SULT2B1: variants seen among roughly 807,000 people sequenced by gnomAD.
SULT2B1 encodes the protein sulfotransferase family 2B member 1.
A neutral mutation model predicts 33.2 loss-of-function variants in SULT2B1; 16 were observed. The ratio of observed to expected loss-of-function variants is 0.48; its 90% CI spans 0.33 to 0.73. The LOEUF (loss-of-function observed/expected upper bound fraction) is 0.73. Ranked by LOEUF, SULT2B1 falls within the 30% of genes least tolerant of loss-of-function variation. The pLI, the probability that SULT2B1 is intolerant of heterozygous loss-of-function variation, is 0.02. For synonymous variants in SULT2B1, 186 were observed against 200.5 expected (o/e 0.93, Z 0.61); for missense variants, 500 against 506.0 (o/e 0.99, Z 0.11).
intron 1 of SULT2B1, among the ~76,000 whole-genome samples, chr19:48,560,677 G>A (rs1347821192): frequency 1.3e-5 from 2 of 152,138 alleles, no homozygotes; most frequent in Non-Finnish European, 2.9e-5. Flanking sequence ...AACTGTCAAT[G>A]AGGCTGGGCG....
intron 6 of SULT2B1, among the ~76,000 whole-genome samples, chr19:48,597,803 C>A (rs1338724740): frequency 2.6e-5 from 4 of 151,394 alleles, no homozygotes; most frequent in African/African-American, 7.3e-5. Context: ...ACCACCACGC[C>A]TGGCTAATTT....
At chr19:48,589,431 C>A (rs1281377451) in intron 3 of SULT2B1, among the ~76,000 whole-genome samples, 1 of 152,110 alleles carries the variant, frequency 6.6e-6, no homozygotes, top group African/African-American at 2.4e-5. Flanking sequence ...AGGGGAGAGA[C>A]TTGGGCTGAC....
chr19:48,552,215 C>G lies in SULT2B1; in HGVS notation c.-38C>G, dbSNP rs952331212. 1 of 1,606,246 alleles carries G rather than the reference C, an allele frequency of 6.2e-7. No individual in the cohort carries two copies. The highest frequency in any genetic ancestry group is 8.5e-7 in the Non-Finnish European group (1 of 1,174,584). On this transcript the variant is annotated 5_prime_UTR_variant, in exon 1 of 7. Coordinates refer to ENST00000201586, the MANE Select transcript of SULT2B1 (RefSeq NM_177973.2). The surrounding 1 kb of genome is among the most constrained non-coding windows in gnomAD (Gnocchi z 4.8). Reference sequence around the variant, plus strand: ...CACCTGGCCTCTGTGCCGCCTGCTCCCTGCTCGTCCTCCCCTCCCCACCCT... The same window carrying G: ...CACCTGGCCTCTGTGCCGCCTGCTCGCTGCTCGTCCTCCCCTCCCCACCCT...
In SULT2B1 at chr19:48,591,738, G is replaced by A. The variant is rs370301033; in HGVS notation, c.550+3G>A. On this transcript the variant is annotated splice_donor_region_variant and intron_variant, in intron 4 of 6. Coordinates refer to ENST00000201586, the MANE Select transcript of SULT2B1 (RefSeq NM_177973.2). ...GAGGGACTTCCTCAAAGGCGAAGGT[G>A]GGGACAGGGTAAAGCGGGGCAGGAG... The A allele has an allele frequency of 3.2e-6, 5 of 1,586,306 alleles. No homozygotes were observed. Among genetic ancestry groups the A allele is most frequent in the Non-Finnish European group, 4.3e-6 (5 of 1,165,762 alleles).
chr19:48,590,633 G>T (rs1456870034), intron 3 of SULT2B1, among the ~76,000 whole-genome samples: 1 of 152,030 alleles, frequency 6.6e-6, no homozygotes, highest in African/African-American at 2.4e-5. Context: ...AAAAATCCAA[G>T]GGATTAGGAA....
At chr19:48,580,608 A>G (rs1038375765) in intron 2 of SULT2B1, among the ~76,000 whole-genome samples, 2 of 150,858 alleles carry the variant, frequency 1.3e-5, no homozygotes, top group African/African-American at 2.4e-5. Flanking sequence ...ATGATCCTCT[A>G]TTGCCCCACA....
At position 48,591,749 on chromosome 19, in the gene SULT2B1, A is replaced by G. The variant is rs376998796; in HGVS notation, c.550+14A>G. The G allele has an allele frequency of 1.9e-6, 3 of 1,565,490 alleles. No individual in the cohort carries two copies. Among genetic ancestry groups the G allele is most frequent in the East Asian group, 2.3e-5 (1 of 42,772 alleles). On this transcript the variant is annotated intron_variant, in intron 4 of 6. Transcript: ENST00000201586. ...TCAAAGGCGAAGGTGGGGACAGGGT[A>G]AAGCGGGGCAGGAGGGGTGGGGAGG...
At chr19:48,591,796 G>A (rs564915067) in intron 4 of SULT2B1, 61 bp downstream of exon 4, 1 of 1,497,766 alleles carries the variant, frequency 6.7e-7, no homozygotes. Context: ...ACCCTGATGG[G>A]CAGAGGGACA....
rs1209298380 is a variant in SULT2B1 at position 48,552,905 on chromosome 19, G to T, written c.71+582G>T. Among the ~76,000 whole-genome samples, 1 of 152,138 alleles carries T rather than the reference G, an allele frequency of 6.6e-6. No individual in the cohort carries two copies. Among genetic ancestry groups the T allele is most frequent in the Non-Finnish European group, 1.5e-5 (1 of 68,018 alleles). On this transcript the variant is annotated intron_variant, in intron 1 of 6. Transcript: ENST00000201586. The surrounding 1 kb of genome is among the most constrained non-coding windows in gnomAD (Gnocchi z 4.8). ...GAGCTCAGCGTGACTCCCTCTTCCT[G>T]GGGATGAGTCAGACACTTTGACAGT...
At chr19:48,598,064 T>C (rs1973744265) in intron 6 of SULT2B1, among the ~76,000 whole-genome samples, 1 of 152,042 alleles carries the variant, frequency 6.6e-6, no homozygotes, top group Admixed American at 6.6e-5. Context: ...ATCTGCAAAA[T>C]CCCTTTTGCC....
At chr19:48,572,842 G>A (rs528803286) in intron 1 of SULT2B1, among the ~76,000 whole-genome samples, 1 of 152,126 alleles carries the variant, frequency 6.6e-6, no homozygotes, top group East Asian at 1.9e-4. Flanking sequence ...AGGCAGGAGG[G>A]CTGGGAAGTT....
intron 1 of SULT2B1, among the ~76,000 whole-genome samples, chr19:48,554,619 C>G (rs1216158437): frequency 1.4e-5 from 2 of 143,780 alleles, no homozygotes; most frequent in African/African-American, 2.6e-5. Flanking sequence ...CCCCGCCCCC[C>G]CAGCCTCCTC....
At chr19:48,565,780 TG>T (rs1973236402) in intron 1 of SULT2B1, among the ~76,000 whole-genome samples, 1 of 151,606 alleles carries the variant, frequency 6.6e-6, no homozygotes, top group Non-Finnish European at 1.5e-5. Flanking sequence ...TGTTTGTTTT[TG>T]AGACAGGATC....
intron 1 of SULT2B1, among the ~76,000 whole-genome samples, chr19:48,555,501 T>G (rs1038746305): frequency 6.6e-6 from 1 of 151,966 alleles, no homozygotes; most frequent in African/African-American, 2.4e-5. Context: ...TCTCTCTCTC[T>G]CTCTCTCTTT....
intron 2 of SULT2B1, among the ~76,000 whole-genome samples, chr19:48,585,777 T>A (rs1171273459): frequency 6.6e-6 from 1 of 152,116 alleles, no homozygotes; most frequent in African/African-American, 2.4e-5. Context: ...CATGTATACA[T>A]ATGTAACTAA....
At chr19:48,567,074 T>C (rs1973254075) in intron 1 of SULT2B1, among the ~76,000 whole-genome samples, 1 of 152,050 alleles carries the variant, frequency 6.6e-6, no homozygotes, top group South Asian at 2.1e-4. Flanking sequence ...AGATGTAAAC[T>C]CCTTTTGAGT....
In SULT2B1 at chr19:48,599,142, C is replaced by T. The variant is rs1132054; in HGVS notation, c.834C>T (p.Cys278=). 823,940 of 1,577,416 alleles carry T rather than the reference C, an allele frequency of 0.52. 221,880 individuals are homozygous for T. Among genetic ancestry groups the T allele is most frequent in the Middle Eastern group, 0.61 (3,351 of 5,452 alleles). The change falls in exon 7 of 7, where the codon TGC becomes TGT. Residue 278 remains cysteine, a synonymous_variant. Coordinates refer to ENST00000201586, the MANE Select transcript of SULT2B1 (RefSeq NM_177973.2). The surrounding 1 kb of genome is among the most constrained non-coding windows in gnomAD (Gnocchi z 4.1). ...GTGCCCCCTCTTCTCCAGGGGTCTG[C>T]GGCGACTGGAAGAACCACTTCACGG... ...RRGAFLRKGV[C]GDWKNHFTVA...
At chr19:48,577,561 TCACCGTA>T (rs1170611002) in intron 2 of SULT2B1, among the ~76,000 whole-genome samples, 1 of 151,684 alleles carries the variant, frequency 6.6e-6, no homozygotes, top group African/African-American at 2.4e-5. Context: ...AGATGAGGTT[TCACCGTA>T]CTGGCCAGGA....
intron 1 of SULT2B1, among the ~76,000 whole-genome samples, chr19:48,567,390 C>T (rs1254737822): frequency 1.3e-5 from 2 of 151,806 alleles, no homozygotes; most frequent in Admixed American, 6.6e-5. Flanking sequence ...GGAGAAATCC[C>T]GTCTCTACTA....
Sources: allele counts gnomAD v4.1 joint callset (sites outside exome capture counted in the v4.1 genomes callset), GRCh38; gene constraint gnomAD v4.1.1; non-coding constraint Gnocchi (gnomAD v3.1); transcripts MANE v1.5; gene names NCBI Gene and HGNC (gene_info 2026-07-23, HGNC 2026-07-21).